Variants in TRMT11 observed in about 807,000 individuals in gnomAD.
The protein encoded by TRMT11 is tRNA (guanine(10)-N(2))-methyltransferase TRMT11.
In TRMT11, 53 loss-of-function variants were observed where a neutral mutation model predicts 62.8. The ratio of observed to expected loss-of-function variants is 0.84; its 90% CI spans 0.68 to 1.06. The LOEUF (loss-of-function observed/expected upper bound fraction) is 1.06. TRMT11 is among the 50% of genes least tolerant of loss of function. The pLI is 0.00. For missense variants in TRMT11, 556 were observed against 553.4 expected (o/e 1.00, Z -0.05); for synonymous variants, 188 against 190.3 (o/e 0.99, Z 0.10).
Position 126,012,763 on chromosome 6 carries a change from C to T in TRMT11, c.926-8C>T, listed in dbSNP as rs776210900. On this transcript the variant is annotated splice_region_variant and splice_polypyrimidine_tract_variant and intron_variant, in intron 9 of 12. Coordinates refer to ENST00000334379, the MANE Select transcript of TRMT11 (RefSeq NM_001031712.3). ...TGACTATCTGTGTTACCTTTGTTTT[C>T]TGTCTAGCTCCATATGGTATCAGAG... 1.2e-6 allele frequency: 2 copies of T among 1,609,254 alleles called. No individual in the cohort carries two copies. The highest frequency in any genetic ancestry group is 8.5e-7 in the Non-Finnish European group (1 of 1,177,482).
intron 3 of TRMT11, among the ~76,000 whole-genome samples, chr6:125,996,273 C>T (rs1251324455): frequency 4.6e-5 from 7 of 152,072 alleles, no homozygotes; most frequent in East Asian, 3.8e-4. Flanking sequence ...TTAAAACTTC[C>T]GTATTATGCG....
At chr6:126,087,005 A>G (rs917612580) in intron 17 of TRMT11, among the ~76,000 whole-genome samples, 1 of 152,128 alleles carries the variant, frequency 6.6e-6, no homozygotes, top group Non-Finnish European at 1.5e-5. Context: ...TCCTCCAAAG[A>G]ATTATAAGTT....
At chr6:126,054,909 C>T (rs1776325078) in intron 17 of TRMT11, among the ~76,000 whole-genome samples, 2 of 152,180 alleles carry the variant, frequency 1.3e-5, no homozygotes, top group Non-Finnish European at 2.9e-5. Context: ...TCGCATCTTT[C>T]CTTGAAGATT....
chr6:126,094,374 C>CA (rs1777317311), intron 17 of TRMT11, among the ~76,000 whole-genome samples: 1 of 152,140 alleles, frequency 6.6e-6, no homozygotes, highest in Admixed American at 6.5e-5. Flanking sequence ...AAAATTGCTA[C>CA]AATGTCACAT....
chr6:126,238,479 A>C, the TRMT11 span, among the ~76,000 whole-genome samples: 1 of 152,106 alleles, frequency 6.6e-6, no homozygotes, highest in Admixed American at 6.5e-5. Flanking sequence ...CCCAGTAGTC[A>C]TTCAGGAGCA....
At chr6:126,205,592 A>C (rs1778781647), downstream of TRMT11, among the ~76,000 whole-genome samples, 1 of 152,232 alleles carries the variant, frequency 6.6e-6, no homozygotes, top group East Asian at 1.9e-4. Context: ...TAAGGAAATT[A>C]AGAAAAATTT....
chr6:126,164,720 A>G (rs909436351), intron 21 of TRMT11, among the ~76,000 whole-genome samples: 2 of 152,152 alleles, frequency 1.3e-5, no homozygotes, highest in African/African-American at 4.8e-5. Context: ...TCCCTTTATC[A>G]TTCTGTAATG....
At chr6:126,161,784 G>A (rs557501627) in intron 21 of TRMT11, among the ~76,000 whole-genome samples, 33 of 151,996 alleles carry the variant, frequency 2.2e-4, no homozygotes, top group Non-Finnish European at 3.2e-4. Flanking sequence ...TTCTAACTGG[G>A]GTGAGATAGT....
At chr6:126,094,879 T>A (rs1777323760) in intron 17 of TRMT11, among the ~76,000 whole-genome samples, 2 of 152,168 alleles carry the variant, frequency 1.3e-5, no homozygotes, top group Non-Finnish European at 2.9e-5. Flanking sequence ...TTATTTTACC[T>A]TCACAATCAT....
intron 12 of TRMT11, among the ~76,000 whole-genome samples, chr6:126,036,505 A>G (rs1007081194): frequency 6.6e-6 from 1 of 152,056 alleles, no homozygotes; most frequent in Admixed American, 6.6e-5. Context: ...TGTTTAGGAT[A>G]TACGAGTTAA....
At chr6:126,047,610 C>G (rs1434051393) in intron 16 of TRMT11, among the ~76,000 whole-genome samples, 4 of 152,010 alleles carry the variant, frequency 2.6e-5, no homozygotes. Flanking sequence ...AGGCTGTCAC[C>G]CTGACTCTCC....
At chr6:126,151,974 C>T (rs1271153906) in intron 21 of TRMT11, among the ~76,000 whole-genome samples, 1 of 57,122 alleles carries the variant, frequency 1.8e-5, no homozygotes, top group Non-Finnish European at 3.7e-5. Context: ...TCTTTCCTCT[C>T]TCTCTCCCCT....
chr6:126,161,819 A>C (rs890120225), intron 21 of TRMT11, among the ~76,000 whole-genome samples: 1 of 152,076 alleles, frequency 6.6e-6, no homozygotes, highest in Non-Finnish European at 1.5e-5. Flanking sequence ...TTTGATTTGC[A>C]TTTCTCTAAT....
At chr6:126,239,259 G>C in the TRMT11 span, among the ~76,000 whole-genome samples, 5 of 152,148 alleles carry the variant, frequency 3.3e-5, no homozygotes, top group African/African-American at 1.2e-4. Context: ...TACGATGTTA[G>C]CTGGTTATTT....
intron 17 of TRMT11, among the ~76,000 whole-genome samples, chr6:126,066,596 A>G (rs1206333524): frequency 3.3e-5 from 5 of 152,028 alleles, no homozygotes; most frequent in Non-Finnish European, 7.4e-5. Context: ...CACCTCTGAA[A>G]CCATCCCACT....
intron 7 of TRMT11, among the ~76,000 whole-genome samples, chr6:126,005,246 TTTTG>T (rs1361862379): frequency 6.6e-6 from 1 of 152,094 alleles, no homozygotes; most frequent in African/African-American, 2.4e-5. Flanking sequence ...CATATTTTGC[TTTTG>T]TTTATCTAAT....
intron 17 of TRMT11, among the ~76,000 whole-genome samples, chr6:126,058,997 A>G (rs151244872): frequency 6.6e-6 from 1 of 150,712 alleles, no homozygotes; most frequent in Non-Finnish European, 1.5e-5. Flanking sequence ...TGGAGACTGA[A>G]TCGAAGAATG....
At chr6:125,991,670 A>G (rs932311304) in intron 1 of TRMT11, among the ~76,000 whole-genome samples, 8 of 152,176 alleles carry the variant, frequency 5.3e-5, no homozygotes, top group East Asian at 3.8e-4. Context: ...AGGACAGTCT[A>G]TCCTTTTGGG....
At chr6:126,019,912 T>G (rs1378686495) in intron 11 of TRMT11, among the ~76,000 whole-genome samples, 2 of 152,232 alleles carry the variant, frequency 1.3e-5, no homozygotes, top group South Asian at 4.1e-4. Flanking sequence ...AGGTGAAATC[T>G]GAAGTGCTCA....
Sources: gnomAD v4.1 joint callset for allele counts (sites outside exome capture counted in the v4.1 genomes callset) on GRCh38, gnomAD v4.1.1 for gene constraint, MANE v1.5 for transcripts, NCBI Gene and HGNC (gene_info 2026-07-23, HGNC 2026-07-21) for gene names.